CACNB2: variants seen among roughly 807,000 people sequenced by gnomAD.
CACNB2 encodes the protein calcium voltage-gated channel auxiliary subunit beta 2, also known as voltage-dependent L-type calcium channel subunit beta-2.
Under a neutral mutation model 73.3 loss-of-function variants are expected in CACNB2, and 42 were observed. The observed-to-expected ratio is 0.57, with a 90% CI of 0.45 to 0.74. The LOEUF is 0.74. Ranked by LOEUF, CACNB2 falls within the 30% of genes least tolerant of loss-of-function variation. CACNB2 has a pLI of 0.00. For synonymous variants in CACNB2, 348 were observed against 310.3 expected (o/e 1.12, Z -1.28); for missense variants, 940 against 853.0 (o/e 1.10, Z -1.27).
chr10:18,487,407 C>T lies in CACNB2; in HGVS notation c.334-10948C>T, dbSNP rs116187689. 7.5e-3 allele frequency among the ~76,000 whole-genome samples: 1,140 copies of T among 152,198 alleles called. 21 individuals carry two copies. Among genetic ancestry groups the T allele is most frequent in the African/African-American group, 0.026 (1,096 of 41,528 alleles). ...GTGTTTCATTAGAAGGAAGCCTTACCGAGGACTCTCTTACCCTCACTGTTT... is the reference window on the plus strand; with the variant it reads ...GTGTTTCATTAGAAGGAAGCCTTACTGAGGACTCTCTTACCCTCACTGTTT... On this transcript the variant is annotated intron_variant, in intron 3 of 13. Transcript: ENST00000324631.
At chr10:18,505,829 A>C (rs1158337089) in intron 5 of CACNB2, among the ~76,000 whole-genome samples, 10 of 152,212 alleles carry the variant, frequency 6.6e-5, no homozygotes, top group Non-Finnish European at 1.5e-4. Flanking sequence ...GAAATGTATG[A>C]TCTTCAAATT....
chr10:18,401,889 TG>T, intron 2 of CACNB2, 34 bp from the exon 3 acceptor site: 1 of 1,611,336 alleles, frequency 6.2e-7, no homozygotes, highest in Non-Finnish European at 8.5e-7. Flanking sequence ...CATCATAGAC[TG>T]AATCTACTTT....
chr10:18,239,873 C>T (rs2036582442), intron 2 of CACNB2, among the ~76,000 whole-genome samples: 1 of 152,024 alleles, frequency 6.6e-6, no homozygotes, highest in African/African-American at 2.4e-5. Context: ...CAAATAAGAG[C>T]TTGTGAAATC....
intron 2 of CACNB2, among the ~76,000 whole-genome samples, chr10:18,271,680 G>A (rs2038059519): frequency 6.6e-6 from 1 of 152,118 alleles, no homozygotes; most frequent in Non-Finnish European, 1.5e-5. Flanking sequence ...AGCCTTTTGT[G>A]TTGTTGGTTT....
chr10:18,342,188 G>T (rs148722532), intron 2 of CACNB2, among the ~76,000 whole-genome samples: 11 of 152,104 alleles, frequency 7.2e-5, no homozygotes, highest in African/African-American at 1.7e-4. Context: ...TTCCTGCAGC[G>T]GAATTCTGTG....
At chr10:18,374,609 G>T (rs1405250814) in intron 2 of CACNB2, among the ~76,000 whole-genome samples, 1 of 152,140 alleles carries the variant, frequency 6.6e-6, no homozygotes, top group Non-Finnish European at 1.5e-5. Flanking sequence ...CAAGGCTAAG[G>T]TGGTGTAATC....
intron 3 of CACNB2, among the ~76,000 whole-genome samples, chr10:18,431,198 G>A (rs769886861): frequency 6.6e-5 from 10 of 151,362 alleles, no homozygotes; most frequent in Non-Finnish European, 1.0e-4. Context: ...GCACAGCCTC[G>A]TCTCAAACTC....
chr10:18,388,597 G>T (rs1406598741), intron 2 of CACNB2, among the ~76,000 whole-genome samples: 1 of 152,146 alleles, frequency 6.6e-6, no homozygotes, highest in East Asian at 1.9e-4. Context: ...TTTCCAGAAG[G>T]TTAGACTTTT....
At chr10:18,290,941 GC>G (rs1354536916) in intron 2 of CACNB2, among the ~76,000 whole-genome samples, 1 of 152,248 alleles carries the variant, frequency 6.6e-6, no homozygotes, top group Non-Finnish European at 1.5e-5. Context: ...CTCATTTCCA[GC>G]CTTGCTCTTC....
At chr10:18,530,272 C>A (rs1245872549) in intron 10 of CACNB2, among the ~76,000 whole-genome samples, 1 of 152,040 alleles carries the variant, frequency 6.6e-6, no homozygotes, top group African/African-American at 2.4e-5. Flanking sequence ...TACTTGAATA[C>A]CAACCATGTG....
At position 18,538,153 on chromosome 10, in the gene CACNB2, T is replaced by C. The variant is rs371659449; in HGVS notation, c.1303-27T>C. 208 of 1,613,112 alleles carry C rather than the reference T, an allele frequency of 1.3e-4. 1 individual carries two copies. The highest frequency in any genetic ancestry group is 1.7e-4 in the Non-Finnish European group (198 of 1,179,276). On this transcript the variant is annotated intron_variant, in intron 12 of 13. Coordinates refer to ENST00000324631, the MANE Select transcript of CACNB2 (RefSeq NM_201596.3). ...GGGGTGAAAACTGGGCTGGCATCAA[T>C]GTGGTCTGGAATGTCTGCCTCTGCA... is the stretch of plus-strand genomic sequence containing the variant.
intron 2 of CACNB2, among the ~76,000 whole-genome samples, chr10:18,192,580 A>G (rs1235897426): frequency 1.4e-4 from 21 of 152,130 alleles, no homozygotes. Flanking sequence ...CTCTCTTTCT[A>G]GTTCCAACAC....
At chr10:18,146,485 T>G (rs942011144) in intron 1 of CACNB2, among the ~76,000 whole-genome samples, 9 of 151,740 alleles carry the variant, frequency 5.9e-5, no homozygotes, top group African/African-American at 1.9e-4. Flanking sequence ...AATTTTTTTT[T>G]TTTGTTTTTC....
chr10:18,397,249 C>T (rs2043758483), intron 2 of CACNB2, among the ~76,000 whole-genome samples: 1 of 152,076 alleles, frequency 6.6e-6, no homozygotes, highest in Non-Finnish European at 1.5e-5. Flanking sequence ...GGCAGATCAC[C>T]TGAGGTCAGG....
intron 2 of CACNB2, among the ~76,000 whole-genome samples, chr10:18,282,176 T>C (rs2038582103): frequency 6.6e-6 from 1 of 151,960 alleles, no homozygotes; most frequent in South Asian, 2.1e-4. Context: ...GGGCAGTCAT[T>C]ACCCCACATT....
At chr10:18,520,541 G>A (rs1356567212) in intron 9 of CACNB2, among the ~76,000 whole-genome samples, 1 of 152,172 alleles carries the variant, frequency 6.6e-6, no homozygotes, top group Admixed American at 6.5e-5. Flanking sequence ...CTGTTAAGAT[G>A]TGAGCTAGTG....
At chr10:18,381,127 A>C (rs778305927) in intron 2 of CACNB2, among the ~76,000 whole-genome samples, 8 of 151,434 alleles carry the variant, frequency 5.3e-5, no homozygotes, top group Non-Finnish European at 1.0e-4. Context: ...ACACAGGGCC[A>C]GCTGGGGAAA....
At chr10:18,408,742 G>C (rs2044438970) in intron 3 of CACNB2, among the ~76,000 whole-genome samples, 1 of 152,162 alleles carries the variant, frequency 6.6e-6, no homozygotes, top group Non-Finnish European at 1.5e-5. Flanking sequence ...TCATCAGATA[G>C]AGAAGGGCCA....
chr10:18,533,977 A>C, intron 10 of CACNB2, 99 bp from the exon 11 acceptor site: 1 of 1,136,636 alleles, frequency 8.8e-7, no homozygotes. Flanking sequence ...GCATTAACAT[A>C]ATGGCTGACC....
Sources: gnomAD v4.1 joint callset for allele counts (sites outside exome capture counted in the v4.1 genomes callset) on GRCh38, gnomAD v4.1.1 for gene constraint, MANE v1.5 for transcripts, NCBI Gene and HGNC (gene_info 2026-07-23, HGNC 2026-07-21) for gene names.